The following LLGL2 variants were observed in gnomAD, a reference collection of about 807,000 sequenced individuals.
LLGL2 encodes LLGL2, scribble cell polarity complex component.
LLGL2 carries 81 observed loss-of-function variants against 123.2 expected under a neutral mutation model. The ratio of observed to expected loss-of-function variants is 0.66; its 90% CI spans 0.55 to 0.79. The LOEUF (loss-of-function observed/expected upper bound fraction) is 0.79. Ranked by LOEUF, LLGL2 falls within the 30% of genes least tolerant of loss-of-function variation. The pLI is 0.00. For synonymous variants in LLGL2, 577 were observed against 594.1 expected (o/e 0.97, Z 0.42); for missense variants, 1,273 against 1,414.6 (o/e 0.90, Z 1.61).
intron 1 of LLGL2, among the ~76,000 whole-genome samples, chr17:75,531,549 T>C (rs2053786448): frequency 6.6e-6 from 1 of 152,214 alleles, no homozygotes; most frequent in African/African-American, 2.4e-5. Flanking sequence ...TTAGGTGATA[T>C]CGTTCTCAGG....
chr17:75,570,438 C>G lies in LLGL2; in HGVS notation c.1965C>G (p.Arg655=), dbSNP rs1169901165. 1.9e-6 allele frequency: 3 copies of G among 1,601,608 alleles called. No homozygotes were observed. In the South Asian group the frequency reaches 3.4e-5, roughly 18 times the overall value. Reference sequence around the variant, plus strand: ...AGAAGTCCTTGCGTCAGTCATTCCGCCGGATGCGTCGGAGCCGGGTGTCCA... The same window carrying G: ...AGAAGTCCTTGCGTCAGTCATTCCGGCGGATGCGTCGGAGCCGGGTGTCCA... ...SLKKSLRQSF[R]RMRRSRVSSR... Residue 655 remains arginine, a synonymous_variant, in exon 16 of 26, where the codon CGC becomes CGG. Transcript: ENST00000392550.
intron 3 of LLGL2, among the ~76,000 whole-genome samples, chr17:75,557,034 CTTTTTTTTTTTTTT>C (rs55649536): frequency 6.3e-4 from 69 of 109,880 alleles, no homozygotes; most frequent in Admixed American, 5.7e-3. Context: ...GTCTCAAAAA[CTTTTTTTTTTTTTT>C]TTTTTTTTTT....
chr17:75,569,131 G>A lies in LLGL2; in HGVS notation c.1476G>A (p.Lys492=), dbSNP rs751178420. The A allele has an allele frequency of 1.9e-6, 3 of 1,613,280 alleles. No individual in the cohort carries two copies. The African/African-American group carries it at 4.0e-5, about 22-fold the overall frequency. The change falls in exon 13 of 26, where the codon AAG becomes AAA. Residue 492 remains lysine (K), a splice_region_variant and synonymous_variant. Coordinates refer to ENST00000392550, the MANE Select transcript of LLGL2 (RefSeq NM_001031803.2). The stretch of plus-strand genomic sequence containing the variant: ...AGGACGAGTGGCCCCCACTCCGCAA[G>A]GTGAGGCCAGGAGCCTGGGACCCAG... ...QGEDEWPPLR[K]VGSFDPYSDD... is the part of the protein sequence containing the mutation.
chr17:75,570,913 T>C, intron 16 of LLGL2, 37 bp from the exon 17 acceptor site: 1 of 1,569,488 alleles, frequency 6.4e-7, no homozygotes, highest in Non-Finnish European at 8.6e-7. Context: ...GGGAGGGGAG[T>C]CCAGAGCTGA....
chr17:75,575,047 C>T lies in LLGL2; in HGVS notation c.*169C>T, dbSNP rs995347117. On this transcript the variant is annotated 3_prime_UTR_variant, in exon 26 of 26. Transcript: ENST00000392550. ...GCCTCGGGAGAGGAGAGACCCCAGT[C>T]CCCTGGGCTGCCCTTCCCGGGCCTC... is the stretch of plus-strand genomic sequence containing the variant. The T allele has an allele frequency of 1.1e-6, 1 of 903,414 alleles. No individual in the cohort carries two copies. The allele number at this position is 903,414 out of a possible 1,614,324, so 56.0% of individuals were successfully genotyped here.
At chr17:75,568,455 G>T in intron 10 of LLGL2, 21 bp from the exon 11 acceptor site, 1 of 1,608,796 alleles carries the variant, frequency 6.2e-7, no homozygotes, top group South Asian at 1.1e-5. Context: ...CCCGGCCCCT[G>T]ACCCTTGCCC....
chr17:75,535,323 C>T (rs1035982499), intron 1 of LLGL2, among the ~76,000 whole-genome samples: 3 of 152,204 alleles, frequency 2.0e-5, no homozygotes, highest in Admixed American at 6.6e-5. Context: ...GGAGCACGAG[C>T]GAAGAGGAGA....
rs962121636 is a variant in LLGL2, at chr17:75,544,571, G to A, written c.75+1070G>A. Among the ~76,000 whole-genome samples, 5 of 152,238 alleles carry A rather than the reference G, an allele frequency of 3.3e-5. No homozygotes were observed. The highest frequency in any genetic ancestry group is 7.3e-5 in the Non-Finnish European group (5 of 68,052). ...CCGTGTGCCTGTCGCCCACACCATAGGCTTGTTAAGGGCGTACGTGGGGTG... is the reference window on the plus strand; with the variant it reads ...CCGTGTGCCTGTCGCCCACACCATAAGCTTGTTAAGGGCGTACGTGGGGTG... On this transcript the variant is annotated intron_variant, in intron 2 of 25. Transcript: ENST00000392550. This position sits in a 1 kb window ranked among gnomAD's most constrained non-coding sequence, Gnocchi z 4.2.
rs781136608 is a variant in LLGL2, at chr17:75,573,292, G to C, written c.2725+14G>C. The stretch of plus-strand genomic sequence containing the variant: ...AATATGGCCAAGGTGTTTGAGCCGG[G>C]CTGGGTGGGTGTCGGGGCCCCGGGC... On this transcript the variant is annotated intron_variant, in intron 20 of 25. Coordinates refer to ENST00000392550, the MANE Select transcript of LLGL2 (RefSeq NM_001031803.2). 23 of 1,586,972 alleles carry C rather than the reference G, an allele frequency of 1.4e-5. No individual in the cohort carries two copies. The Admixed American group carries it at 3.9e-4, about 27-fold the overall frequency.
At chr17:75,550,283 A>T (rs2054607499) in intron 2 of LLGL2, among the ~76,000 whole-genome samples, 1 of 152,170 alleles carries the variant, frequency 6.6e-6, no homozygotes, top group Non-Finnish European at 1.5e-5. Flanking sequence ...GGCTGAGCCC[A>T]ACCTCCTGTG....
chr17:75,543,433 C>G lies in LLGL2; in HGVS notation c.7C>G (p.Arg3Gly). The change falls in exon 2 of 26, where the codon CGG becomes GGG. Residue 3 changes from arginine (R) to glycine (G), a missense_variant. Coordinates refer to ENST00000392550, the MANE Select transcript of LLGL2 (RefSeq NM_001031803.2). MR[R>G]FLRPGHDPVR... The stretch of plus-strand genomic sequence containing the variant: ...GGGCTGCAGACTAAGCAAAATGAGG[C>G]GGTTCCTGAGGCCAGGGCATGACCC... 1 of 1,607,138 alleles carries G rather than the reference C, an allele frequency of 6.2e-7. No homozygotes were observed. Among genetic ancestry groups the G allele is most frequent in the Non-Finnish European group, 8.5e-7 (1 of 1,176,110 alleles).
chr17:75,571,305 C>T, intron 17 of LLGL2: 1 of 595,548 alleles, frequency 1.7e-6, no homozygotes, highest in Non-Finnish European at 3.0e-6. Context: ...GCTTTATATC[C>T]AGGCCGTAGC....
intron 19 of LLGL2, among the ~76,000 whole-genome samples, chr17:75,572,612 C>T (rs2055769851): frequency 6.7e-6 from 1 of 148,208 alleles, no homozygotes; most frequent in South Asian, 2.1e-4. Context: ...TTGCAGTGAG[C>T]CGAGATTGTG....
intron 19 of LLGL2, 22 bp downstream of exon 19, chr17:75,572,086 G>A: frequency 6.2e-7 from 1 of 1,602,080 alleles, no homozygotes; most frequent in Non-Finnish European, 8.5e-7. Flanking sequence ...GCAGCGGCGG[G>A]TCTCCCTGGG....
rs2055106693 is a variant in LLGL2 at position 75,559,602 on chromosome 17, T to C, written c.530+192T>C. Among the ~76,000 whole-genome samples the C allele has an allele frequency of 6.6e-6, 1 of 152,212 alleles. No individual in the cohort carries two copies. The highest frequency in any genetic ancestry group is 2.1e-4 in the South Asian group (1 of 4,832). ...ATTGGCCTGTCATAGGTTAGCATCATAGCACTAAAAAGGGGGCTTTGAGGG... is the reference window on the plus strand; with the variant it reads ...ATTGGCCTGTCATAGGTTAGCATCACAGCACTAAAAAGGGGGCTTTGAGGG... On this transcript the variant is annotated intron_variant, in intron 6 of 25. Transcript: ENST00000392550. The surrounding 1 kb of genome is among the most constrained non-coding windows in gnomAD (Gnocchi z 4.6).
rs940068845 is a variant in LLGL2 at position 75,564,939 on chromosome 17, C to T, written c.1036+432C>T. Among the ~76,000 whole-genome samples, 5 of 152,068 alleles carry T rather than the reference C, an allele frequency of 3.3e-5. No homozygotes were observed. Among genetic ancestry groups the T allele is most frequent in the African/African-American group, 1.2e-4 (5 of 41,400 alleles). ...TCCTGAGTCCCTTAGCCTCACTGCA[C>T]CCCAAGGTGCAGTGTCATCAAGCCC... On this transcript the variant is annotated intron_variant, in intron 10 of 25. Coordinates refer to ENST00000392550, the MANE Select transcript of LLGL2 (RefSeq NM_001031803.2). This position sits in a 1 kb window ranked among gnomAD's most constrained non-coding sequence, Gnocchi z 4.9.
intron 1 of LLGL2, among the ~76,000 whole-genome samples, chr17:75,540,102 T>C (rs1232193784): frequency 1.3e-5 from 2 of 152,200 alleles, no homozygotes; most frequent in African/African-American, 4.8e-5. Flanking sequence ...GGGGGAGCTA[T>C]GCGGTGCTGT....
At chr17:75,572,265 T>C (rs2055750793) in intron 19 of LLGL2, among the ~76,000 whole-genome samples, 2 of 152,048 alleles carry the variant, frequency 1.3e-5, no homozygotes, top group African/African-American at 2.4e-5. Context: ...CGGTGACTCA[T>C]GCCTGTAATG....
At position 75,575,048 on chromosome 17, in the gene LLGL2, C is replaced by T. The variant is rs1197134554; in HGVS notation, c.*170C>T. ...CCTCGGGAGAGGAGAGACCCCAGTC[C>T]CCTGGGCTGCCCTTCCCGGGCCTCG... On this transcript the variant is annotated 3_prime_UTR_variant, in exon 26 of 26. Coordinates refer to ENST00000392550, the MANE Select transcript of LLGL2 (RefSeq NM_001031803.2). 2 of 853,348 alleles carry T rather than the reference C, an allele frequency of 2.3e-6. No individual in the cohort carries two copies. Among genetic ancestry groups the T allele is most frequent in the East Asian group, 2.5e-5 (1 of 39,864 alleles). The allele number at this position is 853,348 out of a possible 1,614,324, so 52.9% of individuals were successfully genotyped here. A position where few individuals can be genotyped will look rare whatever the true frequency, so the allele number is the denominator to read the frequency against.
Sources: gnomAD v4.1 joint callset for allele counts (sites outside exome capture counted in the v4.1 genomes callset) on GRCh38, gnomAD v4.1.1 for gene constraint, Gnocchi (gnomAD v3.1) non-coding constraint, MANE v1.5 for transcripts, NCBI Gene and HGNC (gene_info 2026-07-23, HGNC 2026-07-21) for gene names.